P4HA1: variants seen among roughly 807,000 people sequenced by gnomAD.
P4HA1 encodes the protein prolyl 4-hydroxylase subunit alpha-1.
A neutral mutation model predicts 72.8 loss-of-function variants in P4HA1; 24 were observed. The ratio of observed to expected loss-of-function variants is 0.33; its 90% CI spans 0.24 to 0.46. The LOEUF (loss-of-function observed/expected upper bound fraction) is 0.46, where lower values mean the gene tolerates loss of function less well. Among genes scored for constraint, P4HA1 ranks in the 20% least tolerant of loss-of-function variants. P4HA1 has a pLI of 1.00. For missense variants in P4HA1, 446 were observed against 640.6 expected (o/e 0.70, Z 3.28); for synonymous variants, 201 against 218.8 (o/e 0.92, Z 0.72).
Position 73,046,985 on chromosome 10 carries a change from G to A in P4HA1, c.1017C>T (p.Arg339=). 2 of 1,612,942 alleles carry A rather than the reference G, an allele frequency of 1.2e-6. No individual in the cohort carries two copies. Among genetic ancestry groups the A allele is most frequent in the African/African-American group, 1.3e-5 (1 of 75,016 alleles). The change falls in exon 8 of 15, where the codon CGC becomes CGT. Residue 339 remains arginine, a synonymous_variant. Transcript: ENST00000394890. ...EDEWDKPRII[R]FHDIISDAEI... is the part of the protein sequence containing the mutation. ...CTGCATCAGAAATAATATCATGGAA[G>A]CGAATAATACGAGGCTTGTCCCATT...
intron 9 of P4HA1, among the ~76,000 whole-genome samples, chr10:73,041,547 C>A (rs868191912): frequency 9.2e-4 from 135 of 146,688 alleles, no homozygotes; most frequent in South Asian, 9.1e-3. Context: ...CATCCCCCCC[C>A]CAAAAAAAAA....
intron 5 of P4HA1, among the ~76,000 whole-genome samples, chr10:73,066,528 G>GT (rs1235775171): frequency 1.3e-5 from 2 of 152,016 alleles, no homozygotes; most frequent in African/African-American, 4.8e-5. Context: ...TTTGCTTTTT[G>GT]TTTTTTGAGA....
chr10:73,096,421 G>GAAA, intron 1 of P4HA1, among the ~76,000 whole-genome samples: 1 of 143,096 alleles, frequency 7.0e-6, no homozygotes, highest in African/African-American at 2.5e-5. Flanking sequence ...GGGGAACTTG[G>GAAA]AAAAAAAAAA....
chr10:73,039,368 G>A (rs1840678480), intron 9 of P4HA1, among the ~76,000 whole-genome samples: 1 of 151,962 alleles, frequency 6.6e-6, no homozygotes. Context: ...GTGCAGTGGC[G>A]CAATTTCAGC....
At chr10:73,046,678 A>G (rs1840873056) in intron 8 of P4HA1, among the ~76,000 whole-genome samples, 1 of 152,160 alleles carries the variant, frequency 6.6e-6, no homozygotes, top group South Asian at 2.1e-4. Context: ...TTAATGGTGA[A>G]TAAAAATCTC....
intron 1 of P4HA1, among the ~76,000 whole-genome samples, chr10:73,090,922 C>T (rs941516493): frequency 8.6e-5 from 13 of 151,298 alleles, no homozygotes; most frequent in Non-Finnish European, 1.6e-4. Flanking sequence ...AGTAGTCGGG[C>T]GTGGTGGCGG....
At chr10:73,089,636 C>A (rs1841988635) in intron 1 of P4HA1, among the ~76,000 whole-genome samples, 1 of 138,562 alleles carries the variant, frequency 7.2e-6, no homozygotes, top group Admixed American at 7.4e-5. Flanking sequence ...TACTATTCAA[C>A]AATAAAAAAC....
At chr10:73,095,915 C>A (rs759727703) in intron 1 of P4HA1, among the ~76,000 whole-genome samples, 5 of 151,364 alleles carry the variant, frequency 3.3e-5, no homozygotes, top group South Asian at 2.1e-4. Context: ...AAACATACAT[C>A]CGGGGGCCAG....
chr10:73,095,041 A>G (rs965272139), intron 1 of P4HA1, among the ~76,000 whole-genome samples: 1 of 152,198 alleles, frequency 6.6e-6, no homozygotes, highest in Non-Finnish European at 1.5e-5. Context: ...TAGTTAGTCT[A>G]TGTAAATCTA....
At chr10:73,036,638 T>C (rs1840583210) in intron 9 of P4HA1, among the ~76,000 whole-genome samples, 1 of 152,094 alleles carries the variant, frequency 6.6e-6, no homozygotes, top group South Asian at 2.1e-4. Context: ...GCTCAAGCAA[T>C]CTACCTGCCT....
Position 73,029,749 on chromosome 10 carries a change from G to T in P4HA1, c.1248+522C>A, listed in dbSNP as rs561677661. ...TATACCTGTTTACTACAGATATTTT[G>T]AGTCAAGTTGTGATTATGACGGAGT... On this transcript the variant is annotated intron_variant, in intron 10 of 14. Coordinates refer to ENST00000394890, the MANE Select transcript of P4HA1 (RefSeq NM_001017962.3). Among the ~76,000 whole-genome samples, 8 of 151,104 alleles carry T rather than the reference G, an allele frequency of 5.3e-5. No individual in the cohort carries two copies. In the South Asian group the frequency reaches 1.7e-3, roughly 32 times the overall value.
intron 10 of P4HA1, among the ~76,000 whole-genome samples, chr10:73,023,972 G>A (rs1325957374): frequency 2.6e-5 from 4 of 152,102 alleles, no homozygotes; most frequent in Non-Finnish European, 4.4e-5. Context: ...CAATACAGGG[G>A]CACCCAGATT....
chr10:73,057,082 T>C (rs1238006121), intron 5 of P4HA1, among the ~76,000 whole-genome samples: 1 of 149,220 alleles, frequency 6.7e-6, no homozygotes, highest in African/African-American at 2.5e-5. Context: ...AAAAATAGAT[T>C]AAACACAACT....
At chr10:73,016,753 G>C in intron 11 of P4HA1, 93 bp downstream of exon 11, 1 of 909,642 alleles carries the variant, frequency 1.1e-6, no homozygotes, top group Non-Finnish European at 1.7e-6. Flanking sequence ...CTCCAGCCTG[G>C]GTGACAGAGT....
chr10:73,021,156 C>A lies in P4HA1; in HGVS notation c.1249-4257G>T, dbSNP rs529674757. Among the ~76,000 whole-genome samples, 25 of 145,938 alleles carry A rather than the reference C, an allele frequency of 1.7e-4. No individual in the cohort carries two copies. The East Asian group carries it at 5.1e-3, about 30-fold the overall frequency. On this transcript the variant is annotated intron_variant, in intron 10 of 14. Coordinates refer to ENST00000394890, the MANE Select transcript of P4HA1 (RefSeq NM_001017962.3). ...TCTCAAGAAAAAACAAACAAAAAAACCCAAAAATAACAGACACTGGCAAGG... is the reference window on the plus strand; with the variant it reads ...TCTCAAGAAAAAACAAACAAAAAAAACCAAAAATAACAGACACTGGCAAGG...
intron 9 of P4HA1, chr10:73,044,017 G>GTT: frequency 7.7e-7 from 1 of 1,299,314 alleles, no homozygotes; most frequent in Non-Finnish European, 1.1e-6. Flanking sequence ...TGGGCTTTTT[G>GTT]TTTGTTTTGT....
At chr10:73,081,799 C>T (rs11000514) in intron 1 of P4HA1, among the ~76,000 whole-genome samples, 7 of 152,280 alleles carry the variant, frequency 4.6e-5, no homozygotes, top group Admixed American at 3.3e-4. Context: ...CTTTGGGAGG[C>T]GGAGGCTGGC....
chr10:73,038,256 G>A (rs975674856), intron 9 of P4HA1, among the ~76,000 whole-genome samples: 15 of 151,802 alleles, frequency 9.9e-5, no homozygotes, highest in African/African-American at 3.6e-4. Flanking sequence ...CCCTGTCTCC[G>A]AAAGAAAATA....
chr10:73,074,846 G>A lies in P4HA1; in HGVS notation c.38C>T (p.Pro13Leu), dbSNP rs369978623. 10 of 1,572,340 alleles carry A rather than the reference G, an allele frequency of 6.4e-6. No homozygotes were observed. In the African/African-American group the frequency reaches 9.5e-5, roughly 15 times the overall value. ...WYILIIGILLPQSLAHPGFFT... is the reference protein window; with the variant it reads ...WYILIIGILLLQSLAHPGFFT... Reference sequence around the variant, plus strand: ...AAAGCCTGGATGAGCCAAAGACTGGGGAAGCAGAATTCCTATAATTAATAT... The same window carrying A: ...AAAGCCTGGATGAGCCAAAGACTGGAGAAGCAGAATTCCTATAATTAATAT... The change falls in exon 2 of 15, where the codon CCC becomes CTC. Residue 13 changes from proline to leucine, a missense_variant. Coordinates refer to ENST00000394890, the MANE Select transcript of P4HA1 (RefSeq NM_001017962.3).
Sources: allele counts gnomAD v4.1 joint callset (sites outside exome capture counted in the v4.1 genomes callset), GRCh38; gene constraint gnomAD v4.1.1; transcripts MANE v1.5; gene names NCBI Gene and HGNC (gene_info 2026-07-23, HGNC 2026-07-21).